The following UBE2W variants were observed in gnomAD, a reference collection of about 807,000 sequenced individuals.
UBE2W encodes the protein ubiquitin-conjugating enzyme E2 W.
Under a neutral mutation model 27.2 loss-of-function variants are expected in UBE2W, and 18 were observed. The observed-to-expected ratio is 0.66, with a 90% CI of 0.46 to 0.98. The LOEUF (loss-of-function observed/expected upper bound fraction) is 0.98, where lower values mean the gene tolerates loss of function less well. UBE2W is among the 50% of genes least tolerant of loss of function. The probability of loss-of-function intolerance (pLI) is 0.00; values close to 1 mark genes in which losing one functional copy is unlikely to be tolerated. For synonymous variants in UBE2W, 53 were observed against 57.2 expected (o/e 0.93, Z 0.33); for missense variants, 90 against 180.2 (o/e 0.50, Z 2.87).
At chr8:73,811,317 T>C (rs923840353) in intron 3 of UBE2W, among the ~76,000 whole-genome samples, 2 of 152,202 alleles carry the variant, frequency 1.3e-5, no homozygotes, top group Non-Finnish European at 2.9e-5. Context: ...GTCTCAGCAA[T>C]GTTTTGAATG....
intron 1 of UBE2W, among the ~76,000 whole-genome samples, chr8:73,877,694 G>C (rs1054555335): frequency 1.1e-4 from 16 of 152,088 alleles, no homozygotes; most frequent in Non-Finnish European, 1.0e-4. Context: ...AACGCTAAAG[G>C]GTACTCAGCT....
chr8:73,848,512 T>C (rs1376699569), intron 1 of UBE2W, among the ~76,000 whole-genome samples: 1 of 152,048 alleles, frequency 6.6e-6, no homozygotes, highest in Non-Finnish European at 1.5e-5. Context: ...AGGGAGACCA[T>C]GTTTCTACAA....
At chr8:73,836,824 T>C (rs1310098939) in intron 1 of UBE2W, among the ~76,000 whole-genome samples, 2 of 152,244 alleles carry the variant, frequency 1.3e-5, no homozygotes, top group South Asian at 2.1e-4. Context: ...ATGGCCATAC[T>C]GGCCTGCTTT....
chr8:73,780,593 CACAAT>C, intron 4 of UBE2W: 1 of 426,648 alleles, frequency 2.3e-6, no homozygotes. Context: ...AGTGCAGTGG[CACAAT>C]GCAACCTCCA....
intron 1 of UBE2W, among the ~76,000 whole-genome samples, chr8:73,840,026 C>T (rs906606626): frequency 2.3e-4 from 34 of 149,366 alleles, no homozygotes; most frequent in African/African-American, 7.6e-4. Flanking sequence ...GTTGAGCCAC[C>T]GTGCCTGGCC....
intron 2 of UBE2W, among the ~76,000 whole-genome samples, chr8:73,826,966 CCTTT>C (rs892274333): frequency 2.0e-5 from 3 of 152,130 alleles, no homozygotes; most frequent in Non-Finnish European, 4.4e-5. Context: ...CTTCGAAATT[CCTTT>C]CTTATTTTTC....
chr8:73,826,407 C>T (rs1809836285), intron 2 of UBE2W, among the ~76,000 whole-genome samples: 1 of 152,110 alleles, frequency 6.6e-6, no homozygotes. Context: ...GGGCAATTCT[C>T]TTGAACTTTT....
At chr8:73,873,260 C>T (rs570891846) in intron 1 of UBE2W, among the ~76,000 whole-genome samples, 2 of 152,250 alleles carry the variant, frequency 1.3e-5, no homozygotes, top group African/African-American at 4.8e-5. Context: ...CATCAACAAA[C>T]AGACGTCGTA....
intron 1 of UBE2W, among the ~76,000 whole-genome samples, chr8:73,855,574 T>C (rs1161379222): frequency 6.6e-6 from 1 of 151,804 alleles, no homozygotes; most frequent in Non-Finnish European, 1.5e-5. Context: ...GCTAATTTTT[T>C]TTGTATTTTT....
At position 73,793,813 on chromosome 8, in the gene UBE2W, A is replaced by G; in HGVS notation, c.*289T>C. 8.8e-7 allele frequency: 1 copy of G among 1,135,856 alleles called. No individual in the cohort carries two copies. The highest frequency in any genetic ancestry group is 1.1e-6 in the Non-Finnish European group (1 of 924,888). 70.4% of individuals were successfully genotyped at this position (1,135,856 alleles called of 1,614,324 possible). A position where few individuals can be genotyped will look rare whatever the true frequency, so the allele number is the denominator to read the frequency against. ...TATTGCACAATACATGAGGACCTGGAGCTTTTCCAAAAGCTTAAAAAAATA... is the reference window on the plus strand; with the variant it reads ...TATTGCACAATACATGAGGACCTGGGGCTTTTCCAAAAGCTTAAAAAAATA... On this transcript the variant is annotated 3_prime_UTR_variant, in exon 6 of 6. Coordinates refer to ENST00000602593, the MANE Select transcript of UBE2W (RefSeq NM_018299.6).
downstream of UBE2W, among the ~76,000 whole-genome samples, chr8:73,784,833 T>C (rs1412623267): frequency 6.6e-6 from 1 of 152,186 alleles, no homozygotes. Flanking sequence ...CAACTATCCT[T>C]GTGATACCGC....
In UBE2W at chr8:73,838,133, T is replaced by C. The variant is rs550692733; in HGVS notation, c.16-7661A>G. Reference sequence around the variant, plus strand: ...TAAGAAGGATTCTGATACATCTAAATACCAATAATGGTATGTAAATGATTA... The same window carrying C: ...TAAGAAGGATTCTGATACATCTAAACACCAATAATGGTATGTAAATGATTA... On this transcript the variant is annotated intron_variant, in intron 1 of 5. Transcript: ENST00000602593. 8.8e-4 allele frequency among the ~76,000 whole-genome samples: 134 copies of C among 152,280 alleles called. No individual in the cohort carries two copies. The South Asian group carries it at 0.012, about 13-fold the overall frequency.
At chr8:73,811,969 T>C (rs985432894) in intron 3 of UBE2W, among the ~76,000 whole-genome samples, 10 of 152,172 alleles carry the variant, frequency 6.6e-5, no homozygotes, top group Middle Eastern at 3.4e-3. Context: ...ATTTTAAATA[T>C]CTAGCTATGA....
At chr8:73,781,529 T>G (rs1304825273), downstream of UBE2W, among the ~76,000 whole-genome samples, 1 of 152,090 alleles carries the variant, frequency 6.6e-6, no homozygotes, top group African/African-American at 2.4e-5. Context: ...CCTCAACTCA[T>G]TTGTCCAAGC....
At chr8:73,845,414 C>T (rs971918934) in intron 1 of UBE2W, among the ~76,000 whole-genome samples, 2 of 152,122 alleles carry the variant, frequency 1.3e-5, no homozygotes, top group Admixed American at 6.5e-5. Context: ...TACCCCCAAC[C>T]CCGTGCTCTC....
intron 1 of UBE2W, among the ~76,000 whole-genome samples, chr8:73,862,201 G>A (rs894630225): frequency 4.6e-5 from 7 of 152,166 alleles, no homozygotes; most frequent in Admixed American, 2.6e-4. Flanking sequence ...AGGCCAAGAC[G>A]GGCAGATCAT....
chr8:73,855,390 CTTT>C (rs1402524237), intron 1 of UBE2W, among the ~76,000 whole-genome samples: 1 of 134,976 alleles, frequency 7.4e-6, no homozygotes, highest in Non-Finnish European at 1.5e-5. Flanking sequence ...TTATATTCTA[CTTT>C]CTTTTTTTTT....
At position 73,803,769 on chromosome 8, in the gene UBE2W, CTTT is replaced by C. The variant is rs534146460; in HGVS notation, c.442+1879_442+1881del. ...ATTTCTTTGTTTTCTTTTTTCTTTT[CTTT>C]TTTTTTTTTTTTGAGACGGAGGCTT... On this transcript the variant is annotated intron_variant, in intron 5 of 5. Transcript: ENST00000602593. 7.7e-3 allele frequency among the ~76,000 whole-genome samples: 992 copies of C among 128,350 alleles called. 15 individuals carry two copies. Among genetic ancestry groups the C allele is most frequent in the African/African-American group, 0.033 (929 of 28,238 alleles). 84.2% of individuals were successfully genotyped at this position (128,350 alleles called of 152,430 possible).
chr8:73,851,149 C>T (rs571326720), intron 1 of UBE2W, among the ~76,000 whole-genome samples: 2 of 151,864 alleles, frequency 1.3e-5, no homozygotes, highest in Non-Finnish European at 2.9e-5. Context: ...CCATGCCCAG[C>T]GTCACCTATG....
Sources: gnomAD v4.1 joint callset for allele counts (sites outside exome capture counted in the v4.1 genomes callset) on GRCh38, gnomAD v4.1.1 for gene constraint, MANE v1.5 for transcripts, NCBI Gene and HGNC (gene_info 2026-07-23, HGNC 2026-07-21) for gene names.